The following COL19A1 variants were observed in gnomAD, a reference collection of about 807,000 sequenced individuals.
COL19A1 encodes the protein collagen alpha-1(XIX) chain.
COL19A1 carries 159 observed loss-of-function variants against 190.2 expected under a neutral mutation model. The ratio of observed to expected loss-of-function variants is 0.84; its 90% CI spans 0.73 to 0.95. The LOEUF is 0.95. Ranked by LOEUF, COL19A1 falls within the 40% of genes least tolerant of loss-of-function variation. COL19A1 has a pLI of 0.00. For synonymous variants in COL19A1, 509 were observed against 458.9 expected (o/e 1.11, Z -1.39); for missense variants, 1,418 against 1,431.9 (o/e 0.99, Z 0.16).
At chr6:69,990,459 C>G (rs1211631140) in intron 11 of COL19A1, among the ~76,000 whole-genome samples, 1 of 152,000 alleles carries the variant, frequency 6.6e-6, no homozygotes, top group Non-Finnish European at 1.5e-5. Flanking sequence ...TAGTCAGGAT[C>G]CAAATAAGAT....
intron 11 of COL19A1, among the ~76,000 whole-genome samples, chr6:69,984,367 G>A (rs1295721389): frequency 6.6e-6 from 1 of 151,874 alleles, no homozygotes; most frequent in South Asian, 2.1e-4. Context: ...TCTTTGTTAC[G>A]TATTTTGGTT....
intron 16 of COL19A1, among the ~76,000 whole-genome samples, chr6:70,110,210 A>C (rs1019079145): frequency 1.3e-5 from 2 of 152,176 alleles, no homozygotes; most frequent in African/African-American, 4.8e-5. Context: ...GACTACATGC[A>C]TTTTGAAGCT....
intron 2 of COL19A1, among the ~76,000 whole-genome samples, chr6:69,892,836 C>G (rs1322625949): frequency 2.0e-5 from 3 of 152,196 alleles, no homozygotes; most frequent in African/African-American, 2.4e-5. Context: ...GAAGCATACC[C>G]TTCCAGTCTA....
At chr6:69,983,994 C>T (rs1165524257) in intron 11 of COL19A1, among the ~76,000 whole-genome samples, 2 of 151,986 alleles carry the variant, frequency 1.3e-5, no homozygotes, top group Admixed American at 1.3e-4. Context: ...AACCCCTTTT[C>T]TTGTTTCCAG....
In COL19A1 at chr6:70,184,859, T is replaced by A. The variant is rs1583115024; in HGVS notation, c.2812-12T>A. 1 of 1,612,976 alleles carries A rather than the reference T, an allele frequency of 6.2e-7. No homozygotes were observed. Among genetic ancestry groups the A allele is most frequent in the South Asian group, 1.1e-5 (1 of 90,936 alleles). ...GCAAGGAGTGATTTTCATGTTGACA[T>A]CTGTTTTTCAGGGCATCATGGGTAA... On this transcript the variant is annotated splice_polypyrimidine_tract_variant and intron_variant, in intron 45 of 50. Transcript: ENST00000620364.
chr6:69,937,896 G>A (rs1773211536), intron 8 of COL19A1, 142 bp from the exon 9 acceptor site: 2 of 661,262 alleles, frequency 3.0e-6, no homozygotes, highest in Non-Finnish European at 2.6e-6. Context: ...TGTTCACGTG[G>A]CTCACTATTC....
intron 4 of COL19A1, among the ~76,000 whole-genome samples, chr6:69,917,146 T>C (rs1771359547): frequency 6.6e-6 from 1 of 152,234 alleles, no homozygotes; most frequent in Non-Finnish European, 1.5e-5. Context: ...GGAGCAGCTA[T>C]TATATTTTGC....
chr6:70,058,546 A>G (rs1201458995), intron 14 of COL19A1, among the ~76,000 whole-genome samples: 2 of 152,052 alleles, frequency 1.3e-5, no homozygotes, highest in African/African-American at 2.4e-5. Context: ...TTTCACAGAT[A>G]TCTATTTCCT....
intron 12 of COL19A1, among the ~76,000 whole-genome samples, chr6:70,030,239 A>G (rs959831663): frequency 1.3e-5 from 2 of 152,188 alleles, no homozygotes; most frequent in African/African-American, 4.8e-5. Context: ...TTCAACTGCC[A>G]ATACATTGCT....
chr6:70,162,153 C>G (rs1468670146), intron 35 of COL19A1, among the ~76,000 whole-genome samples, 200 bp downstream of exon 35: 1 of 152,104 alleles, frequency 6.6e-6, no homozygotes, highest in African/African-American at 2.4e-5. Context: ...GGGGACTTGC[C>G]TCAGAATTCC....
intron 1 of COL19A1, among the ~76,000 whole-genome samples, chr6:69,877,830 C>T (rs1352602726): frequency 6.6e-6 from 1 of 151,934 alleles, no homozygotes; most frequent in African/African-American, 2.4e-5. Flanking sequence ...ACCATCCTGG[C>T]CCCATCTCTA....
intron 4 of COL19A1, among the ~76,000 whole-genome samples, chr6:69,906,255 A>C (rs947142612): frequency 1.3e-5 from 2 of 152,196 alleles, no homozygotes; most frequent in Admixed American, 1.3e-4. Context: ...GTTCTGAAGG[A>C]GCAACACACT....
Position 70,144,797 on chromosome 6 carries a change from G to A in COL19A1, c.1681-121G>A. The A allele has an allele frequency of 2.9e-6, 2 of 685,686 alleles. 1 individual carries two copies. Among genetic ancestry groups the A allele is most frequent in the South Asian group, 3.3e-5 (2 of 60,674 alleles). 42.5% of individuals were successfully genotyped at this position (685,686 alleles called of 1,614,324 possible). A position where few individuals can be genotyped will look rare whatever the true frequency, so the allele number is the denominator to read the frequency against. Reference sequence around the variant, plus strand: ...TGAGTTGGTGAGTGAGTGAGTGAGTGAGTGAATGAATGAAGTTTGACTGGC... The same window carrying A: ...TGAGTTGGTGAGTGAGTGAGTGAGTAAGTGAATGAATGAAGTTTGACTGGC... On this transcript the variant is annotated intron_variant, in intron 24 of 50. Transcript: ENST00000620364.
At chr6:70,158,449 A>T (rs899921937) in intron 34 of COL19A1, among the ~76,000 whole-genome samples, 3 of 152,036 alleles carry the variant, frequency 2.0e-5, no homozygotes, top group Non-Finnish European at 4.4e-5. Flanking sequence ...TCTCTTTGAG[A>T]CTTCTAATTA....
chr6:70,061,048 A>C (rs1780799617), intron 14 of COL19A1, among the ~76,000 whole-genome samples: 1 of 152,164 alleles, frequency 6.6e-6, no homozygotes, highest in Admixed American at 6.6e-5. Flanking sequence ...CTGGAGGTTA[A>C]GTATGTCTGT....
intron 12 of COL19A1, among the ~76,000 whole-genome samples, chr6:70,033,949 A>G (rs1300692621): frequency 6.6e-6 from 1 of 152,140 alleles, no homozygotes; most frequent in Non-Finnish European, 1.5e-5. Flanking sequence ...GATACTTAAA[A>G]GCTCATATAG....
At chr6:69,934,812 G>A (rs1294094281) in intron 7 of COL19A1, among the ~76,000 whole-genome samples, 1 of 151,934 alleles carries the variant, frequency 6.6e-6, no homozygotes, top group Non-Finnish European at 1.5e-5. Context: ...TACATTTTAT[G>A]AATAGGAATG....
At chr6:69,887,722 C>T (rs1358891153) in intron 2 of COL19A1, among the ~76,000 whole-genome samples, 2 of 152,160 alleles carry the variant, frequency 1.3e-5, no homozygotes, top group Non-Finnish European at 2.9e-5. Context: ...TTCAGGCTCA[C>T]AGACAACTTG....
intron 14 of COL19A1, among the ~76,000 whole-genome samples, chr6:70,064,741 T>C (rs868725821): frequency 3.3e-5 from 5 of 152,140 alleles, no homozygotes; most frequent in African/African-American, 4.8e-5. Flanking sequence ...TCTCCTTAAG[T>C]TGATAAGCAA....
Sources: allele counts gnomAD v4.1 joint callset (sites outside exome capture counted in the v4.1 genomes callset), GRCh38; gene constraint gnomAD v4.1.1; transcripts MANE v1.5; gene names NCBI Gene and HGNC (gene_info 2026-07-23, HGNC 2026-07-21).